Variants in RAD52 observed in about 807,000 individuals in gnomAD.
RAD52 encodes RAD52 DNA repair protein, also known as DNA repair protein RAD52 homolog.
In RAD52, 47 loss-of-function variants were observed where a neutral mutation model predicts 55.5. The ratio of observed to expected loss-of-function variants is 0.85; its 90% CI spans 0.67 to 1.08. The LOEUF is 1.08. RAD52 is among the 50% of genes least tolerant of loss of function. The pLI, the probability that RAD52 is intolerant of heterozygous loss-of-function variation, is 0.00. For synonymous variants in RAD52, 184 were observed against 198.9 expected, an observed-to-expected ratio of 0.92 and a Z score of 0.63; for missense variants, 468 against 522.8, an observed-to-expected ratio of 0.90 and a Z score of 1.02.
intron 1 of RAD52, among the ~76,000 whole-genome samples, chr12:941,884 G>A (rs994700370): frequency 3.9e-5 from 6 of 152,110 alleles, no homozygotes; most frequent in East Asian, 1.9e-4. Context: ...TGATCTGCCC[G>A]CTGCAGACTC....
intron 1 of RAD52, among the ~76,000 whole-genome samples, chr12:970,358 A>G (rs1376676232): frequency 6.8e-6 from 1 of 147,786 alleles, no homozygotes; most frequent in Admixed American, 6.8e-5. Context: ...ATTTAGTCCT[A>G]CTCACATTCC....
In RAD52 at chr12:925,490, T is replaced by C. The variant is rs779195700; in HGVS notation, c.503A>G (p.Asp168Gly). The change falls in exon 7 of 12, where the codon GAC becomes GGC. Residue 168 changes from aspartate (D) to glycine (G), a missense_variant. Transcript: ENST00000358495. ...ATTTAGTGATCTCAGGTAGTCTTTG[T>C]CCAGAATACAGTTTCCAAGTGCATT... Reference protein sequence around the residue: ...FGNALGNCILDKDYLRSLNKL... With the variant: ...FGNALGNCILGKDYLRSLNKL... The C allele has an allele frequency of 2.7e-5, 44 of 1,613,864 alleles. No homozygotes were observed. The highest frequency in any genetic ancestry group is 2.8e-5 in the Non-Finnish European group (33 of 1,179,902).
intron 1 of RAD52, among the ~76,000 whole-genome samples, chr12:949,083 T>C (rs1958419855): frequency 6.6e-6 from 1 of 152,034 alleles, no homozygotes; most frequent in African/African-American, 2.4e-5. Flanking sequence ...CGTGACAGGG[T>C]CTCGCTCTGT....
chr12:980,603 C>CT lies in RAD52; in HGVS notation c.-19+9205dup, dbSNP rs71055114. ...GCCACTGCACCCAGCCTCTTTCTTT[C>CT]TTTTTTTTTTTTTTCTGAGACAGAG... On this transcript the variant is annotated intron_variant, in intron 1 of 11. Transcript: ENST00000430095. Among the ~76,000 whole-genome samples, 31 of 140,780 alleles carry CT rather than the reference C, an allele frequency of 2.2e-4. 1 individual carries two copies. In the East Asian group the frequency reaches 5.4e-3, roughly 25 times the overall value. The allele number at this position is 140,780 out of a possible 152,430, so 92.4% of individuals were successfully genotyped here. A position where few individuals can be genotyped will look rare whatever the true frequency, so the allele number is the denominator to read the frequency against.
At chr12:924,865 C>T (rs2154112382) in intron 7 of RAD52, among the ~76,000 whole-genome samples, 1 of 152,054 alleles carries the variant, frequency 6.6e-6, no homozygotes, top group African/African-American at 2.4e-5. Flanking sequence ...TGCTTTGAGG[C>T]TTCACAGACT....
chr12:913,856 C>T (rs775906539), intron 11 of RAD52, 38 bp downstream of exon 11: 1 of 1,546,668 alleles, frequency 6.5e-7, no homozygotes, highest in East Asian at 2.2e-5. Context: ...AAGCTAGGAT[C>T]TCCCCTTAAT....
chr12:968,956 C>A (rs1958805585), intron 1 of RAD52, among the ~76,000 whole-genome samples: 1 of 152,074 alleles, frequency 6.6e-6, no homozygotes, highest in Non-Finnish European at 1.5e-5. Context: ...GTTTCTGCAT[C>A]AATGGATTCA....
chr12:973,434 G>A (rs1380266535), intron 1 of RAD52, among the ~76,000 whole-genome samples: 1 of 151,938 alleles, frequency 6.6e-6, no homozygotes. Flanking sequence ...TGATACAGAT[G>A]ATGAAAGTGG....
Position 927,280 on chromosome 12 carries a change from A to G in RAD52, c.349-17T>C, listed in dbSNP as rs1957088595. 1 of 1,580,486 alleles carries G rather than the reference A, an allele frequency of 6.3e-7. No individual in the cohort carries two copies. The highest frequency in any genetic ancestry group is 8.7e-7 in the Non-Finnish European group (1 of 1,149,592). Reference sequence around the variant, plus strand: ...TGAACCATCCTGGGGGCAGAAAAGGAGTTTGAACTCAAACACGAGAGCGGC... The same window carrying G: ...TGAACCATCCTGGGGGCAGAAAAGGGGTTTGAACTCAAACACGAGAGCGGC... On this transcript the variant is annotated splice_polypyrimidine_tract_variant and intron_variant, in intron 5 of 11. Transcript: ENST00000358495.
At position 929,840 on chromosome 12, in the gene RAD52, T is replaced by G; in HGVS notation, c.327A>C (p.Ala109=). The G allele has an allele frequency of 3.1e-6, 5 of 1,613,992 alleles. No homozygotes were observed. The highest frequency in any genetic ancestry group is 4.2e-6 in the Non-Finnish European group (5 of 1,179,910). Residue 109 remains alanine (A), a synonymous_variant, in exon 5 of 12, where the codon GCA becomes GCC. Transcript: ENST00000358495. ...TCACCTTCAGCTGGACCCTCACAAA[T>G]GCACAGACTCCCACGTAGAACTTGC... is the stretch of plus-strand genomic sequence containing the variant. ...NNGKFYVGVC[A]FVRVQLKDGS...
chr12:912,722 C>CAAAAAA lies in RAD52; in HGVS notation c.*663_*668dup, dbSNP rs60090525. 2,346 of 72,990 alleles carry CAAAAAA rather than the reference C, an allele frequency of 0.032. 72 individuals carry two copies. The highest frequency in any genetic ancestry group is 0.041 in the East Asian group (107 of 2,584). 4.5% of individuals were successfully genotyped at this position (72,990 alleles called of 1,614,324 possible). A position where few individuals can be genotyped will look rare whatever the true frequency, so the allele number is the denominator to read the frequency against. On this transcript the variant is annotated 3_prime_UTR_variant, in exon 12 of 12. Coordinates refer to ENST00000358495, the MANE Select transcript of RAD52 (RefSeq NM_134424.4). ...AGGGCAACACAGCCAGACCCCGTCT[C>CAAAAAA]AAAAAAAAAAAAAAAAAAAAAAACA...
chr12:965,040 C>T (rs961724353), intron 1 of RAD52, among the ~76,000 whole-genome samples: 7 of 151,772 alleles, frequency 4.6e-5, no homozygotes, highest in South Asian at 2.1e-4. Flanking sequence ...AGTGCAATGG[C>T]GCCATCTTGG....
intron 7 of RAD52, among the ~76,000 whole-genome samples, chr12:918,196 A>C (rs4766370): frequency 1.3e-5 from 2 of 151,874 alleles, no homozygotes; most frequent in African/African-American, 4.8e-5. Flanking sequence ...AGCTACAAAA[A>C]CCAAAATGTC....
rs780757960 is a variant in RAD52, at chr12:916,121, A to G, written c.865+223T>C. 6.1e-4 allele frequency: 760 copies of G among 1,243,158 alleles called. 4 individuals carry two copies. Among genetic ancestry groups the G allele is most frequent in the Non-Finnish European group, 6.1e-4 (587 of 964,250 alleles). The allele number at this position is 1,243,158 out of a possible 1,614,324, so 77.0% of individuals were successfully genotyped here. On this transcript the variant is annotated intron_variant, in intron 9 of 11. Coordinates refer to ENST00000358495, the MANE Select transcript of RAD52 (RefSeq NM_134424.4). ...ATTTTATCAAGGCCCACTTAGTTCC[A>G]CGGGGGAAAAAAGAAATCATTGTCT...
chr12:962,410 G>A (rs1032481806), intron 1 of RAD52, among the ~76,000 whole-genome samples: 3 of 149,852 alleles, frequency 2.0e-5, no homozygotes, highest in East Asian at 3.9e-4. Context: ...GCCTGATCTC[G>A]GCTCACTGCA....
chr12:960,954 G>A (rs910026401), intron 1 of RAD52, among the ~76,000 whole-genome samples: 5 of 152,016 alleles, frequency 3.3e-5, no homozygotes, highest in Admixed American at 6.6e-5. Context: ...TAAAGAGAAG[G>A]AGCCCCAACA....
intron 1 of RAD52, among the ~76,000 whole-genome samples, chr12:945,819 T>C (rs1340630385): frequency 6.8e-6 from 1 of 146,376 alleles, no homozygotes; most frequent in East Asian, 2.3e-4. Context: ...GGTCAGGAGT[T>C]CGAGACCAGC....
intron 1 of RAD52, among the ~76,000 whole-genome samples, chr12:940,355 T>C (rs1171677883): frequency 1.3e-5 from 2 of 150,838 alleles, no homozygotes; most frequent in South Asian, 2.1e-4. Flanking sequence ...TCCTAGCACT[T>C]TGGGAGGCCA....
intron 1 of RAD52, among the ~76,000 whole-genome samples, chr12:967,111 G>T (rs1235656510): frequency 6.6e-6 from 1 of 151,984 alleles, no homozygotes; most frequent in African/African-American, 2.4e-5. Flanking sequence ...GGACACAGTG[G>T]CTCATGCCTA....
Sources: gnomAD v4.1 joint callset for allele counts (sites outside exome capture counted in the v4.1 genomes callset) on GRCh38, gnomAD v4.1.1 for gene constraint, MANE v1.5 for transcripts, NCBI Gene and HGNC (gene_info 2026-07-23, HGNC 2026-07-21) for gene names.